Variants in ANKMY1 observed in about 807,000 individuals in gnomAD.
ANKMY1 encodes ankyrin repeat and MYND domain-containing protein 1.
A neutral mutation model predicts 102.0 loss-of-function variants in ANKMY1; 98 were observed. The ratio of observed to expected loss-of-function variants is 0.96; its 90% CI spans 0.82 to 1.14. ANKMY1 has a LOEUF of 1.14. Among genes scored for constraint, ANKMY1 ranks in the 50% most tolerant of loss-of-function variants. The probability of loss-of-function intolerance (pLI) is 0.00; values close to 1 mark genes in which losing one functional copy is unlikely to be tolerated. For synonymous variants in ANKMY1, 582 were observed against 559.9 expected (o/e 1.04, Z -0.56); for missense variants, 1,330 against 1,347.6 (o/e 0.99, Z 0.20).
At chr2:240,490,539 C>G (rs1453165863) in intron 15 of ANKMY1, among the ~76,000 whole-genome samples, 1 of 152,060 alleles carries the variant, frequency 6.6e-6, no homozygotes, top group Non-Finnish European at 1.5e-5. Flanking sequence ...AATTCAGAAG[C>G]ATGTTTAATT....
chr2:240,482,081 A>G, intron 16 of ANKMY1, 102 bp downstream of exon 16: 1 of 1,331,114 alleles, frequency 7.5e-7, no homozygotes, highest in Non-Finnish European at 1.1e-6. Flanking sequence ...GTCAGATGGC[A>G]TGGAGGCTGT....
rs150732041 is a variant in ANKMY1, at chr2:240,495,096, C to T, written c.2806+4862G>A. On this transcript the variant is annotated intron_variant, in intron 15 of 17. Transcript: ENST00000401804. ...GAAGTGACCAGAAGACAAGTGTGAG[C>T]CTTCTGTTATGCCCGGACAGGGCCA... Among the ~76,000 whole-genome samples the T allele has an allele frequency of 6.7e-3, 1,019 of 152,230 alleles. 13 individuals carry two copies. The highest frequency in any genetic ancestry group is 0.022 in the African/African-American group (929 of 41,516).
In ANKMY1 at chr2:240,482,270, G is replaced by A. The variant is rs760007389; in HGVS notation, c.2807-9C>T. On this transcript the variant is annotated splice_polypyrimidine_tract_variant and intron_variant, in intron 15 of 17. Transcript: ENST00000401804. Reference sequence around the variant, plus strand: ...GCTGGGGATCAGCTCCGCTGCATGAGAGAGGGTCCCGCATTAGTACCCACG... The same window carrying A: ...GCTGGGGATCAGCTCCGCTGCATGAAAGAGGGTCCCGCATTAGTACCCACG... 6.2e-6 allele frequency: 10 copies of A among 1,609,496 alleles called. No homozygotes were observed. Among genetic ancestry groups the A allele is most frequent in the Non-Finnish European group, 7.6e-6 (9 of 1,178,152 alleles).
chr2:240,510,970 C>T (rs1239456259), intron 11 of ANKMY1, among the ~76,000 whole-genome samples: 1 of 152,086 alleles, frequency 6.6e-6, no homozygotes, highest in Non-Finnish European at 1.5e-5. Flanking sequence ...TCATTCCTAA[C>T]GTGAGTTCCT....
chr2:240,521,703 T>C (rs1335700102), intron 8 of ANKMY1, among the ~76,000 whole-genome samples: 5 of 152,064 alleles, frequency 3.3e-5, no homozygotes, highest in Admixed American at 6.5e-5. Flanking sequence ...TTTCACCGTG[T>C]TAGCCAGGAT....
intron 2 of ANKMY1, among the ~76,000 whole-genome samples, chr2:240,556,260 G>T (rs2092334829): frequency 6.6e-6 from 1 of 152,192 alleles, no homozygotes; most frequent in Admixed American, 6.5e-5. Context: ...ACAATAAGTT[G>T]TGGAAAGCCA....
intron 15 of ANKMY1, among the ~76,000 whole-genome samples, chr2:240,495,254 G>T (rs1190415300): frequency 6.6e-6 from 1 of 152,082 alleles, no homozygotes; most frequent in African/African-American, 2.4e-5. Context: ...AAAGGTAAAG[G>T]GAGTCTCCCT....
chr2:240,526,067 C>T, intron 6 of ANKMY1, 162 bp downstream of exon 6: 5 of 1,005,998 alleles, frequency 5.0e-6, no homozygotes, highest in Non-Finnish European at 7.4e-6. Context: ...TCACACTCAG[C>T]TGAGTGGGTT....
chr2:240,484,143 A>C (rs1371731009), intron 15 of ANKMY1, among the ~76,000 whole-genome samples: 1 of 152,232 alleles, frequency 6.6e-6, no homozygotes, highest in East Asian at 1.9e-4. Context: ...TGCAATAAAC[A>C]TATGTGTACA....
intron 11 of ANKMY1, 46 bp from the exon 12 acceptor site, chr2:240,509,501 A>G: frequency 1.5e-6 from 2 of 1,329,220 alleles, no homozygotes; most frequent in South Asian, 2.5e-5. Flanking sequence ...CCCACCCATA[A>G]GCAGCACCTG....
At position 240,548,917 on chromosome 2, in the gene ANKMY1, A is replaced by T. The variant is rs1316477143; in HGVS notation, c.480+3997T>A. 6.6e-5 allele frequency among the ~76,000 whole-genome samples: 10 copies of T among 152,360 alleles called. No individual in the cohort carries two copies. In the East Asian group the frequency reaches 1.9e-3, roughly 29 times the overall value. On this transcript the variant is annotated intron_variant, in intron 4 of 17. Coordinates refer to ENST00000401804, the MANE Select transcript of ANKMY1 (RefSeq NM_001282771.3). ...ATGCTCATTGGGAGGAAGAATCAAT[A>T]TCGTGAAAATGGCCATACTGCCCAA...
intron 4 of ANKMY1, among the ~76,000 whole-genome samples, chr2:240,538,529 CG>C (rs890127183): frequency 6.6e-6 from 1 of 152,152 alleles, no homozygotes; most frequent in African/African-American, 2.4e-5. Flanking sequence ...GGGCAGGGCT[CG>C]GGACCTGCAG....
intron 15 of ANKMY1, among the ~76,000 whole-genome samples, chr2:240,484,321 C>T (rs1328517973): frequency 6.6e-6 from 1 of 152,118 alleles, no homozygotes; most frequent in Non-Finnish European, 1.5e-5. Context: ...GCTACAGTAA[C>T]CAAAACAGCA....
At chr2:240,542,605 T>C (rs1217857771) in intron 4 of ANKMY1, among the ~76,000 whole-genome samples, 5 of 152,074 alleles carry the variant, frequency 3.3e-5, no homozygotes, top group Non-Finnish European at 7.4e-5. Flanking sequence ...AGTTCAGACA[T>C]GTAAACAAAT....
At chr2:240,497,260 G>A (rs2077388758) in intron 15 of ANKMY1, among the ~76,000 whole-genome samples, 1 of 152,168 alleles carries the variant, frequency 6.6e-6, no homozygotes, top group African/African-American at 2.4e-5. Flanking sequence ...TGGAAGCTGA[G>A]CATAAGAATG....
chr2:240,512,110 C>T (rs1312889208), intron 10 of ANKMY1, 109 bp from the exon 11 acceptor site: 1 of 1,298,896 alleles, frequency 7.7e-7, no homozygotes, highest in Non-Finnish European at 1.0e-6. Context: ...TGGAGTCTCA[C>T]CCTGCGAAAC....
intron 10 of ANKMY1, 83 bp downstream of exon 10, chr2:240,512,719 C>A: frequency 6.8e-7 from 1 of 1,467,228 alleles, no homozygotes; most frequent in South Asian, 1.4e-5. Flanking sequence ...GCTCGGCAAG[C>A]ACAGGCTAGG....
intron 13 of ANKMY1, among the ~76,000 whole-genome samples, chr2:240,507,341 C>T: frequency 6.7e-6 from 1 of 149,838 alleles, no homozygotes. Flanking sequence ...TCCCTCCCCT[C>T]ACCCAGGGCC....
At chr2:240,559,858 A>T (rs1293125832), upstream of ANKMY1, among the ~76,000 whole-genome samples, 1 of 152,248 alleles carries the variant, frequency 6.6e-6, no homozygotes, top group Non-Finnish European at 1.5e-5. Flanking sequence ...ATGCAACTGA[A>T]ACTTCAATTG....
Sources: allele counts gnomAD v4.1 joint callset (sites outside exome capture counted in the v4.1 genomes callset), GRCh38; gene constraint gnomAD v4.1.1; transcripts MANE v1.5; gene names NCBI Gene and HGNC (gene_info 2026-07-23, HGNC 2026-07-21).